The following MAP4K3 variants were observed in gnomAD, a reference collection of about 807,000 sequenced individuals.
The protein encoded by MAP4K3 is MAPK/ERK kinase kinase kinase 3.
MAP4K3 carries 94 observed loss-of-function variants against 143.5 expected under a neutral mutation model. That is an observed-to-expected ratio of 0.65 (90% CI 0.55 to 0.78). MAP4K3 has a LOEUF of 0.78. MAP4K3 is among the 30% of genes least tolerant of loss of function. MAP4K3 has a pLI of 0.00. For synonymous variants in MAP4K3, 416 were observed against 347.2 expected, an observed-to-expected ratio of 1.20 and a Z score of -2.20; for missense variants, 1,077 against 1,068.1, an observed-to-expected ratio of 1.01 and a Z score of -0.12.
chr2:39,388,214 C>T (rs778883453), intron 1 of MAP4K3, among the ~76,000 whole-genome samples: 6 of 152,202 alleles, frequency 3.9e-5, no homozygotes, highest in Non-Finnish European at 5.9e-5. Flanking sequence ...GCAATAGCAG[C>T]AGCATTTCTA....
Position 39,278,456 on chromosome 2 carries a change from C to A in MAP4K3, c.1745G>T (p.Gly582Val). 1 of 1,597,170 alleles carries A rather than the reference C, an allele frequency of 6.3e-7. No homozygotes were observed. Among genetic ancestry groups the A allele is most frequent in the Non-Finnish European group, 8.5e-7 (1 of 1,170,612 alleles). ...DQYLIFGAEE[G>V]IYTLNLNELH... is the part of the protein sequence containing the mutation. ...TTCATTAAGATTGAGGGTATAAATC[C>A]CTTCTTCGGCACCAAATATCAAGTA... Residue 582 changes from glycine to valine, a missense_variant, in exon 24 of 34, where the codon GGG (glycine) becomes GTG (valine). Gly to Val is a moderately radical substitution (Grantham distance 109). This residue lies in a region of MAP4K3 where 864 missense variants were observed against 801.2 expected (regional missense o/e 1.08). Coordinates refer to ENST00000263881, the MANE Select transcript of MAP4K3 (RefSeq NM_003618.4).
intron 1 of MAP4K3, among the ~76,000 whole-genome samples, chr2:39,433,337 A>C (rs1057109398): frequency 1.3e-5 from 2 of 152,116 alleles, no homozygotes; most frequent in Admixed American, 6.5e-5. Context: ...TTCTTTCAAA[A>C]CTTCTTTTGC....
intron 13 of MAP4K3, among the ~76,000 whole-genome samples, chr2:39,313,639 A>T (rs568186121): frequency 4.0e-4 from 61 of 152,122 alleles, no homozygotes; most frequent in Non-Finnish European, 2.9e-5. Flanking sequence ...CAGCCTCCCC[A>T]GTAGCTGGGA....
At chr2:39,260,143 T>C (rs1680507350) in intron 29 of MAP4K3, among the ~76,000 whole-genome samples, 1 of 152,192 alleles carries the variant, frequency 6.6e-6, no homozygotes, top group South Asian at 2.1e-4. Flanking sequence ...AGACAGGATC[T>C]CATTCTGTCA....
At chr2:39,327,561 T>C (rs541039207) in intron 8 of MAP4K3, among the ~76,000 whole-genome samples, 37 of 152,206 alleles carry the variant, frequency 2.4e-4, no homozygotes, top group Non-Finnish European at 4.1e-4. Flanking sequence ...AAGAGCAGTC[T>C]AGATAATCTT....
chr2:39,262,382 T>C (rs1286371984), intron 28 of MAP4K3, among the ~76,000 whole-genome samples: 1 of 152,182 alleles, frequency 6.6e-6, no homozygotes, highest in Non-Finnish European at 1.5e-5. Context: ...ACCTCTTCTC[T>C]AGGAGCTTTC....
intron 1 of MAP4K3, among the ~76,000 whole-genome samples, chr2:39,434,224 C>T (rs777230068): frequency 8.5e-5 from 13 of 152,074 alleles, no homozygotes; most frequent in Non-Finnish European, 1.5e-4. Flanking sequence ...CTTTTGAAAA[C>T]AAAATGTACT....
At chr2:39,267,030 T>C (rs1167494349) in intron 27 of MAP4K3, among the ~76,000 whole-genome samples, 159 bp downstream of exon 27, 2 of 152,214 alleles carry the variant, frequency 1.3e-5, no homozygotes, top group East Asian at 1.9e-4. Flanking sequence ...TACTATGTAT[T>C]AGGCTTAGTC....
At chr2:39,349,374 G>C (rs893299977) in intron 3 of MAP4K3, among the ~76,000 whole-genome samples, 1 of 152,116 alleles carries the variant, frequency 6.6e-6, no homozygotes, top group Admixed American at 6.5e-5. Flanking sequence ...TAAGGATGCT[G>C]TACTCAGGGG....
chr2:39,375,143 T>G (rs1166840061), intron 2 of MAP4K3, among the ~76,000 whole-genome samples: 2 of 152,014 alleles, frequency 1.3e-5, no homozygotes, highest in African/African-American at 4.8e-5. Flanking sequence ...CCTGCAGTCC[T>G]AGCTACTTGG....
At chr2:39,399,227 G>C (rs1055049937) in intron 1 of MAP4K3, among the ~76,000 whole-genome samples, 3 of 152,124 alleles carry the variant, frequency 2.0e-5, no homozygotes, top group African/African-American at 7.2e-5. Flanking sequence ...TCAAGCTATA[G>C]TTGTAATTTA....
At chr2:39,270,985 T>C (rs1680995465) in intron 26 of MAP4K3, among the ~76,000 whole-genome samples, 1 of 151,942 alleles carries the variant, frequency 6.6e-6, no homozygotes, top group African/African-American at 2.4e-5. Context: ...AGATTGACTA[T>C]AATAAAATTC....
chr2:39,437,089 C>G lies in MAP4K3; in HGVS notation c.-102G>C. The G allele has an allele frequency of 1.2e-6, 1 of 827,562 alleles. No homozygotes were observed. The highest frequency in any genetic ancestry group is 1.8e-6 in the Non-Finnish European group (1 of 562,088). The allele number at this position is 827,562 out of a possible 1,614,324, so 51.3% of individuals were successfully genotyped here. A position where few individuals can be genotyped will look rare whatever the true frequency, so the allele number is the denominator to read the frequency against. ...CGCCGCGGCCGGCTCCCGGCTCCCC[C>G]GGCGGTCACAATCACCCGGCTCCAC... On this transcript the variant is annotated 5_prime_UTR_variant, in exon 1 of 34. Transcript: ENST00000263881.
chr2:39,299,075 A>T (rs1014601268), intron 16 of MAP4K3, among the ~76,000 whole-genome samples: 26 of 152,042 alleles, frequency 1.7e-4, no homozygotes, highest in African/African-American at 5.8e-4. Context: ...ATTAGTTTTT[A>T]TCATAATTTA....
intron 1 of MAP4K3, among the ~76,000 whole-genome samples, chr2:39,412,617 C>T (rs531855141): frequency 1.3e-5 from 2 of 151,996 alleles, no homozygotes; most frequent in East Asian, 1.9e-4. Context: ...TCCTAAACGG[C>T]GATCATGAAA....
intron 24 of MAP4K3, among the ~76,000 whole-genome samples, chr2:39,274,508 T>A (rs899289922): frequency 1.3e-5 from 2 of 152,154 alleles, no homozygotes; most frequent in South Asian, 2.1e-4. Context: ...GCATGAGCCA[T>A]CGCGCCTGAC....
intron 1 of MAP4K3, among the ~76,000 whole-genome samples, chr2:39,418,138 A>T (rs940164971): frequency 6.6e-6 from 1 of 151,710 alleles, no homozygotes; most frequent in Non-Finnish European, 1.5e-5. Flanking sequence ...AGGAGGCAGA[A>T]GGTTGCAGTG....
At chr2:39,314,985 G>C (rs1184531845) in intron 13 of MAP4K3, among the ~76,000 whole-genome samples, 1 of 152,186 alleles carries the variant, frequency 6.6e-6, no homozygotes, top group Non-Finnish European at 1.5e-5. Flanking sequence ...CAGGTCTACT[G>C]AATCTGAAAC....
At chr2:39,300,627 T>C (rs1403190808) in intron 15 of MAP4K3, among the ~76,000 whole-genome samples, 1 of 152,234 alleles carries the variant, frequency 6.6e-6, no homozygotes, top group Admixed American at 6.5e-5. Context: ...ATTTAAAAAA[T>C]GAATCTTATT....
Sources: gnomAD v4.1 joint callset for allele counts (sites outside exome capture counted in the v4.1 genomes callset) on GRCh38, gnomAD v4.1.1 for gene constraint, gnomAD v4.1.1 regional missense constraint, MANE v1.5 for transcripts, NCBI Gene and HGNC (gene_info 2026-07-23, HGNC 2026-07-21) for gene names.